Variants in KLHL1 observed in about 807,000 individuals in gnomAD.
KLHL1 encodes kelch-like protein 1.
KLHL1 carries 47 observed loss-of-function variants against 77.7 expected under a neutral mutation model. That is an observed-to-expected ratio of 0.60 (90% CI 0.48 to 0.77). KLHL1 has a LOEUF of 0.77. Among genes scored for constraint, KLHL1 ranks in the 30% least tolerant of loss-of-function variants. The pLI, the probability that KLHL1 is intolerant of heterozygous loss-of-function variation, is 0.00. For synonymous variants in KLHL1, 360 were observed against 325.2 expected (o/e 1.11, Z -1.15); for missense variants, 925 against 910.8 (o/e 1.02, Z -0.20).
At chr13:69,860,384 T>C (rs374352042) in intron 5 of KLHL1, among the ~76,000 whole-genome samples, 4 of 151,972 alleles carry the variant, frequency 2.6e-5, no homozygotes, top group East Asian at 1.9e-4. Context: ...AAAAAGAGAA[T>C]GTTAGTGGCA....
At chr13:70,009,353 A>T (rs1204777392) in intron 1 of KLHL1, among the ~76,000 whole-genome samples, 2 of 152,280 alleles carry the variant, frequency 1.3e-5, no homozygotes, top group Non-Finnish European at 2.9e-5. Flanking sequence ...TTTTAAGAAA[A>T]CACTAGGTGT....
At chr13:69,755,900 T>C (rs533832343) in intron 7 of KLHL1, among the ~76,000 whole-genome samples, 1 of 151,330 alleles carries the variant, frequency 6.6e-6, no homozygotes, top group South Asian at 2.1e-4. Flanking sequence ...TAATCACTTA[T>C]TAGCTGTGGG....
chr13:69,920,184 A>G (rs929416396), intron 4 of KLHL1, among the ~76,000 whole-genome samples: 8 of 152,086 alleles, frequency 5.3e-5, no homozygotes, highest in Non-Finnish European at 7.4e-5. Flanking sequence ...TTTTTTTTAA[A>G]GAGTTCTGGA....
chr13:70,094,835 C>T (rs1274278685), intron 1 of KLHL1, among the ~76,000 whole-genome samples: 3 of 152,154 alleles, frequency 2.0e-5, no homozygotes, highest in Non-Finnish European at 4.4e-5. Context: ...TGTTTCCTCT[C>T]ATCCTCTCCA....
At chr13:69,991,499 T>C (rs1387067676) in intron 1 of KLHL1, among the ~76,000 whole-genome samples, 1 of 151,890 alleles carries the variant, frequency 6.6e-6, no homozygotes, top group Non-Finnish European at 1.5e-5. Context: ...CAAGAGACGT[T>C]ACCACTGACC....
intron 1 of KLHL1, among the ~76,000 whole-genome samples, chr13:70,063,949 T>C (rs917890351): frequency 1.3e-5 from 2 of 152,108 alleles, no homozygotes; most frequent in African/African-American, 2.4e-5. Flanking sequence ...TCTGCAGGGC[T>C]AATTCAAAAT....
intron 3 of KLHL1, among the ~76,000 whole-genome samples, chr13:69,947,974 C>T (rs377221070): frequency 2.6e-5 from 4 of 151,960 alleles, no homozygotes; most frequent in African/African-American, 9.7e-5. Context: ...AAGGGAAAAC[C>T]TACATGTTTT....
chr13:70,086,907 G>C (rs1298858409), intron 1 of KLHL1, among the ~76,000 whole-genome samples: 1 of 152,092 alleles, frequency 6.6e-6, no homozygotes, highest in Non-Finnish European at 1.5e-5. Context: ...TATAGGAAGA[G>C]CAAGAGATGA....
chr13:69,719,215 A>AGAGAGC (rs1872922138), intron 9 of KLHL1, among the ~76,000 whole-genome samples, 154 bp downstream of exon 9: 1 of 94,610 alleles, frequency 1.1e-5, no homozygotes, highest in African/African-American at 3.1e-5. Flanking sequence ...TGTGTGAGAG[A>AGAGAGC]GAGAGAGAGA....
intron 9 of KLHL1, among the ~76,000 whole-genome samples, chr13:69,715,294 G>A (rs1017588491): frequency 6.6e-6 from 1 of 152,050 alleles, no homozygotes; most frequent in African/African-American, 2.4e-5. Flanking sequence ...GGATAATGGG[G>A]GTGGTTTCCC....
intron 1 of KLHL1, among the ~76,000 whole-genome samples, chr13:70,082,492 AT>A (rs564430461): frequency 4.5e-4 from 69 of 152,184 alleles, no homozygotes; most frequent in Admixed American, 7.9e-4. Context: ...CACACTCCAA[AT>A]TTTTTTCATA....
At chr13:69,759,992 T>C (rs973957995) in intron 7 of KLHL1, among the ~76,000 whole-genome samples, 1 of 152,154 alleles carries the variant, frequency 6.6e-6, no homozygotes, top group African/African-American at 2.4e-5. Flanking sequence ...CCAGTGTACA[T>C]AGGCAAAAAG....
intron 1 of KLHL1, among the ~76,000 whole-genome samples, chr13:70,080,620 G>A (rs1420034958): frequency 1.3e-5 from 2 of 151,928 alleles, no homozygotes; most frequent in African/African-American, 2.4e-5. Flanking sequence ...ATTTTTGAGA[G>A]GGAGGCTTGT....
At chr13:69,934,906 T>A (rs1883119117) in intron 4 of KLHL1, among the ~76,000 whole-genome samples, 1 of 149,088 alleles carries the variant, frequency 6.7e-6, no homozygotes, top group Non-Finnish European at 1.5e-5. Flanking sequence ...TATGGGAGGG[T>A]TCCCATTGCG....
chr13:69,857,362 T>A (rs1180538800), intron 5 of KLHL1, among the ~76,000 whole-genome samples: 1 of 152,032 alleles, frequency 6.6e-6, no homozygotes, highest in South Asian at 2.1e-4. Context: ...TCTACCTACT[T>A]GCCTCAAATT....
intron 5 of KLHL1, among the ~76,000 whole-genome samples, chr13:69,861,453 A>C (rs1880155690): frequency 6.6e-6 from 1 of 152,114 alleles, no homozygotes. Context: ...AATGTTTTAC[A>C]AACAAGTTCA....
intron 1 of KLHL1, among the ~76,000 whole-genome samples, chr13:70,035,396 A>G (rs1886214049): frequency 6.6e-6 from 1 of 152,184 alleles, no homozygotes; most frequent in Non-Finnish European, 1.5e-5. Flanking sequence ...AATTGAAAAC[A>G]TGAGGATAGA....
intron 4 of KLHL1, among the ~76,000 whole-genome samples, chr13:69,935,819 T>C (rs1883170970): frequency 6.6e-6 from 1 of 152,012 alleles, no homozygotes; most frequent in Non-Finnish European, 1.5e-5. Context: ...ATGAGTAAAT[T>C]AAAGAAAGTC....
At chr13:69,837,327 C>T (rs535129785) in intron 6 of KLHL1, among the ~76,000 whole-genome samples, 22 of 151,492 alleles carry the variant, frequency 1.5e-4, no homozygotes, top group African/African-American at 5.3e-4. Context: ...TAGGGTTAAG[C>T]TCAAGTAAAC....
Sources: gnomAD v4.1 joint callset for allele counts (sites outside exome capture counted in the v4.1 genomes callset) on GRCh38, gnomAD v4.1.1 for gene constraint, MANE v1.5 for transcripts, NCBI Gene and HGNC (gene_info 2026-07-23, HGNC 2026-07-21) for gene names.